FHIT: variants seen among roughly 807,000 people sequenced by gnomAD.
FHIT encodes the protein fragile histidine triad diadenosine triphosphatase.
Under a neutral mutation model 17.9 loss-of-function variants are expected in FHIT, and 19 were observed. The observed-to-expected ratio is 1.06, with a 90% CI of 0.74 to 1.56. FHIT has a LOEUF of 1.56. FHIT is among the 40% of genes most tolerant of loss of function. The probability of loss-of-function intolerance (pLI) is 0.00; values close to 1 mark genes in which losing one functional copy is unlikely to be tolerated. For missense variants in FHIT, 248 were observed against 189.2 expected, an observed-to-expected ratio of 1.31 and a Z score of -1.82; for synonymous variants, 81 against 69.7, an observed-to-expected ratio of 1.16 and a Z score of -0.81.
At chr3:61,114,249 T>G (rs779840610) in intron 2 of FHIT, among the ~76,000 whole-genome samples, 1 of 152,186 alleles carries the variant, frequency 6.6e-6, no homozygotes. Context: ...CTGAGGAACC[T>G]AGCAACTAGT....
intron 2 of FHIT, among the ~76,000 whole-genome samples, chr3:61,091,359 A>G (rs1157110023): frequency 2.0e-5 from 3 of 152,202 alleles, no homozygotes; most frequent in Non-Finnish European, 4.4e-5. Flanking sequence ...CTAAGAAGGC[A>G]AGACACGTAA....
intron 7 of FHIT, among the ~76,000 whole-genome samples, chr3:59,989,552 G>A (rs1283614826): frequency 1.3e-5 from 2 of 152,046 alleles, no homozygotes; most frequent in Non-Finnish European, 2.9e-5. Context: ...GCATGTTAGA[G>A]TCTGAGATAT....
intron 5 of FHIT, among the ~76,000 whole-genome samples, chr3:60,094,957 T>A (rs1025857471): frequency 6.6e-6 from 1 of 152,194 alleles, no homozygotes; most frequent in Non-Finnish European, 1.5e-5. Context: ...TTAGGATTCA[T>A]CCCTAGAGTC....
chr3:60,972,972 C>G (rs1337885322), intron 3 of FHIT, among the ~76,000 whole-genome samples: 2 of 152,248 alleles, frequency 1.3e-5, no homozygotes, highest in East Asian at 3.9e-4. Flanking sequence ...ACATATTAAT[C>G]TCTTATCTGA....
intron 5 of FHIT, among the ~76,000 whole-genome samples, chr3:60,181,146 T>A (rs935283571): frequency 3.3e-5 from 1 of 30,184 alleles, no homozygotes; most frequent in Non-Finnish European, 5.6e-5. Context: ...ATTTTTTTAA[T>A]TTTTTTTTTT....
intron 4 of FHIT, among the ~76,000 whole-genome samples, chr3:60,640,032 G>T (rs1176797714): frequency 6.6e-6 from 1 of 152,148 alleles, no homozygotes. Flanking sequence ...AGACACAAGG[G>T]AGTTCATATT....
At chr3:60,321,604 C>G (rs1222159765) in intron 5 of FHIT, among the ~76,000 whole-genome samples, 3 of 152,190 alleles carry the variant, frequency 2.0e-5, no homozygotes, top group African/African-American at 7.2e-5. Flanking sequence ...ACTCCAAAGC[C>G]TGTAGGAGAA....
At chr3:61,150,275 T>C (rs2037349038) in intron 2 of FHIT, among the ~76,000 whole-genome samples, 1 of 150,036 alleles carries the variant, frequency 6.7e-6, no homozygotes, top group African/African-American at 2.4e-5. Flanking sequence ...GGGTTTGTAT[T>C]GTCCCCTAGA....
chr3:59,942,217 G>A (rs1250152077), intron 7 of FHIT, among the ~76,000 whole-genome samples: 3 of 152,150 alleles, frequency 2.0e-5, no homozygotes, highest in Non-Finnish European at 4.4e-5. Context: ...TGCAGCCCCT[G>A]GCTGTGAATA....
At chr3:60,194,508 CT>C (rs1297546039) in intron 5 of FHIT, among the ~76,000 whole-genome samples, 1 of 152,078 alleles carries the variant, frequency 6.6e-6, no homozygotes, top group African/African-American at 2.4e-5. Context: ...AGGAAAAACT[CT>C]TCTGGATATT....
intron 5 of FHIT, among the ~76,000 whole-genome samples, chr3:60,104,210 C>A (rs1388206341): frequency 1.3e-5 from 2 of 152,164 alleles, no homozygotes; most frequent in Non-Finnish European, 2.9e-5. Flanking sequence ...TTAGTTGTTA[C>A]CCCTGAGTGG....
chr3:59,904,847 A>C (rs1704513122), intron 8 of FHIT, among the ~76,000 whole-genome samples: 1 of 152,252 alleles, frequency 6.6e-6, no homozygotes, highest in Admixed American at 6.5e-5. Flanking sequence ...TTCCAGACTT[A>C]GAATGGGAAG....
At chr3:60,923,546 G>A (rs112253652) in intron 3 of FHIT, among the ~76,000 whole-genome samples, 6,543 of 152,206 alleles carry the variant, frequency 0.043, 493 homozygotes, top group African/African-American at 0.15. Context: ...AAAAGAGTCT[G>A]GTAATTATGT....
intron 5 of FHIT, among the ~76,000 whole-genome samples, chr3:60,057,686 G>T (rs1702135100): frequency 6.7e-6 from 1 of 148,704 alleles, no homozygotes; most frequent in Non-Finnish European, 1.5e-5. Context: ...TGACCTTCAG[G>T]CCTCTCGAAA....
In FHIT at chr3:60,210,147, C is replaced by T. The variant is rs142184959; in HGVS notation, c.104-195995G>A. Among the ~76,000 whole-genome samples, 400 of 151,902 alleles carry T rather than the reference C, an allele frequency of 2.6e-3. 1 individual carries two copies. The highest frequency in any genetic ancestry group is 4.7e-3 in the Non-Finnish European group (316 of 67,932). On this transcript the variant is annotated intron_variant, in intron 5 of 9. Coordinates refer to ENST00000492590, the MANE Select transcript of FHIT (RefSeq NM_002012.4). ...TTCCAAAAAGAGGTAAAAGATAAAC[C>T]CAAGTGAATGGAGAATTTGGTATAT...
intron 5 of FHIT, among the ~76,000 whole-genome samples, chr3:60,027,102 CACACAG>C (rs1179855200): frequency 6.0e-5 from 7 of 116,122 alleles, no homozygotes; most frequent in African/African-American, 2.6e-4. Context: ...GACTGTTTCA[CACACAG>C]ACACACACAC....
At chr3:60,963,814 A>G (rs1431998442) in intron 3 of FHIT, among the ~76,000 whole-genome samples, 1 of 152,004 alleles carries the variant, frequency 6.6e-6, no homozygotes, top group African/African-American at 2.4e-5. Flanking sequence ...TATAATTTCT[A>G]TTCTTTTACA....
At chr3:60,019,619 C>A (rs765139363) in intron 5 of FHIT, among the ~76,000 whole-genome samples, 2 of 151,930 alleles carry the variant, frequency 1.3e-5, no homozygotes, top group Non-Finnish European at 2.9e-5. Context: ...GGTTTCTCCA[C>A]GTTGGTCAGG....
chr3:60,080,517 A>G (rs1703230877), intron 5 of FHIT, among the ~76,000 whole-genome samples: 1 of 152,170 alleles, frequency 6.6e-6, no homozygotes. Context: ...TCATCCAGGC[A>G]CTGATTATTT....
Sources: allele counts gnomAD v4.1 joint callset (sites outside exome capture counted in the v4.1 genomes callset), GRCh38; gene constraint gnomAD v4.1.1; transcripts MANE v1.5; gene names NCBI Gene and HGNC (gene_info 2026-07-23, HGNC 2026-07-21).